The following NAALADL2 variants were observed in gnomAD, a reference collection of about 807,000 sequenced individuals.
The protein encoded by NAALADL2 is N-acetylated alpha-linked acidic dipeptidase like 2, also known as inactive N-acetylated-alpha-linked acidic dipeptidase-like protein 2.
In NAALADL2, 76 loss-of-function variants were observed where a neutral mutation model predicts 87.2. The observed-to-expected ratio is 0.87, with a 90% CI of 0.72 to 1.05. The LOEUF is 1.05. NAALADL2 is among the 50% of genes least tolerant of loss of function. The pLI, the probability that NAALADL2 is intolerant of heterozygous loss-of-function variation, is 0.00. For synonymous variants in NAALADL2, 354 were observed against 331.0 expected, an observed-to-expected ratio of 1.07 and a Z score of -0.75; for missense variants, 1,089 against 945.8, an observed-to-expected ratio of 1.15 and a Z score of -1.99.
At chr3:174,643,862 A>G (rs1218192138) in intron 2 of NAALADL2, among the ~76,000 whole-genome samples, 2 of 152,226 alleles carry the variant, frequency 1.3e-5, no homozygotes, top group Non-Finnish European at 2.9e-5. Flanking sequence ...TCAAAGCAAG[A>G]AAAATACATA....
intron 2 of NAALADL2, among the ~76,000 whole-genome samples, chr3:174,593,830 T>C (rs1163631405): frequency 1.3e-5 from 2 of 152,188 alleles, no homozygotes; most frequent in East Asian, 1.9e-4. Flanking sequence ...ACTAATCATA[T>C]GCAGCATGTT....
intron 13 of NAALADL2, among the ~76,000 whole-genome samples, chr3:175,779,179 T>C (rs1750672302): frequency 6.6e-6 from 1 of 152,206 alleles, no homozygotes. Flanking sequence ...GTGATAAGCA[T>C]GTCTTTCACA....
Position 174,470,222 on chromosome 3 carries a change from G to T in NAALADL2, c.-184+29190G>T, listed in dbSNP as rs75774045. On this transcript the variant is annotated intron_variant, in intron 1 of 3. Coordinates refer to the NAALADL2 transcript ENST00000434257. ...GGTGTGAGATGGTATCTCATTGTGGGTTTGATTTGCATCTCTTTGATGATT... is the reference window on the plus strand; with the variant it reads ...GGTGTGAGATGGTATCTCATTGTGGTTTTGATTTGCATCTCTTTGATGATT... Among the ~76,000 whole-genome samples, 262 of 152,070 alleles carry T rather than the reference G, an allele frequency of 1.7e-3. 1 individual carries two copies. The highest frequency in any genetic ancestry group is 6.2e-3 in the African/African-American group (256 of 41,496).
intron 2 of NAALADL2, among the ~76,000 whole-genome samples, chr3:174,668,553 A>T (rs903497929): frequency 1.1e-4 from 17 of 152,116 alleles, no homozygotes; most frequent in South Asian, 6.2e-4. Flanking sequence ...GTATATCTCC[A>T]AATGCTATCC....
chr3:175,373,733 T>C (rs1766776822), intron 5 of NAALADL2, among the ~76,000 whole-genome samples: 1 of 152,200 alleles, frequency 6.6e-6, no homozygotes, highest in African/African-American at 2.4e-5. Flanking sequence ...TATAAGAACA[T>C]GCAAATCTAT....
chr3:174,804,069 A>G (rs1043727396), intron 3 of NAALADL2, among the ~76,000 whole-genome samples: 1 of 152,044 alleles, frequency 6.6e-6, no homozygotes, highest in Non-Finnish European at 1.5e-5. Context: ...TGGTATGGCC[A>G]TTTTCACAAT....
intron 5 of NAALADL2, among the ~76,000 whole-genome samples, chr3:175,326,659 G>A (rs1250739602): frequency 6.6e-6 from 1 of 152,162 alleles, no homozygotes; most frequent in South Asian, 2.1e-4. Context: ...AGGTCAAGGG[G>A]CTCACATCTG....
intron 2 of NAALADL2, among the ~76,000 whole-genome samples, chr3:175,150,946 G>A (rs1253080070): frequency 6.6e-6 from 1 of 152,214 alleles, no homozygotes; most frequent in African/African-American, 2.4e-5. Context: ...AAGATGATGA[G>A]TAAGGCTGTG....
At chr3:175,649,967 A>G (rs896183514) in intron 11 of NAALADL2, among the ~76,000 whole-genome samples, 1 of 151,768 alleles carries the variant, frequency 6.6e-6, no homozygotes, top group East Asian at 1.9e-4. Context: ...AAAGTTAAAC[A>G]TAAGCTTATC....
chr3:174,776,817 C>T, intron 3 of NAALADL2, among the ~76,000 whole-genome samples: 1 of 152,068 alleles, frequency 6.6e-6, no homozygotes, highest in Non-Finnish European at 1.5e-5. Context: ...CTTCATTGCT[C>T]ACCATGCATG....
intron 2 of NAALADL2, among the ~76,000 whole-genome samples, chr3:174,582,305 A>G (rs901738511): frequency 6.6e-6 from 1 of 152,220 alleles, no homozygotes; most frequent in Non-Finnish European, 1.5e-5. Flanking sequence ...AGCATGAATT[A>G]GACTGGCTGG....
intron 2 of NAALADL2, among the ~76,000 whole-genome samples, chr3:174,614,657 C>T (rs1370735140): frequency 6.6e-6 from 1 of 152,144 alleles, no homozygotes; most frequent in South Asian, 2.1e-4. Flanking sequence ...AAACCAGGTA[C>T]TTTGAGCGCT....
intron 1 of NAALADL2, among the ~76,000 whole-genome samples, chr3:174,469,424 AT>A (rs796147289): frequency 0.015 from 2,119 of 139,192 alleles, 42 homozygotes; most frequent in African/African-American, 0.051. Context: ...CGGCTGGCTA[AT>A]TTTTTTTTTT....
At chr3:175,692,454 G>C (rs1737183447) in intron 11 of NAALADL2, among the ~76,000 whole-genome samples, 1 of 151,986 alleles carries the variant, frequency 6.6e-6, no homozygotes, top group African/African-American at 2.4e-5. Flanking sequence ...TGGCAATTCT[G>C]GAGTTTCCAC....
intron 1 of NAALADL2, among the ~76,000 whole-genome samples, chr3:175,051,841 A>C (rs953849912): frequency 1.3e-5 from 2 of 152,184 alleles, no homozygotes; most frequent in Non-Finnish European, 2.9e-5. Flanking sequence ...TTTGGCTACA[A>C]AGCTTAATTA....
chr3:174,731,400 A>G (rs1241306891), intron 2 of NAALADL2, among the ~76,000 whole-genome samples: 1 of 152,134 alleles, frequency 6.6e-6, no homozygotes, highest in Non-Finnish European at 1.5e-5. Context: ...CATTTACTAA[A>G]AGTGCTATAG....
intron 1 of NAALADL2, among the ~76,000 whole-genome samples, chr3:174,497,882 C>A (rs1413792945): frequency 1.3e-5 from 2 of 151,950 alleles, no homozygotes; most frequent in East Asian, 3.9e-4. Context: ...GAAAGATATA[C>A]CTGATAAGTG....
At chr3:174,549,537 A>G (rs938700665) in intron 1 of NAALADL2, among the ~76,000 whole-genome samples, 6 of 152,336 alleles carry the variant, frequency 3.9e-5, no homozygotes, top group Admixed American at 3.3e-4. Flanking sequence ...AATAATTGTA[A>G]CTTACTATGT....
chr3:175,032,034 T>A (rs1388351065), intron 1 of NAALADL2, among the ~76,000 whole-genome samples: 1 of 152,088 alleles, frequency 6.6e-6, no homozygotes, highest in Non-Finnish European at 1.5e-5. Flanking sequence ...CAATGCATAG[T>A]TTGCAAACAT....
Sources: gnomAD v4.1 joint callset for allele counts (sites outside exome capture counted in the v4.1 genomes callset) on GRCh38, gnomAD v4.1.1 for gene constraint, MANE v1.5 for transcripts, NCBI Gene and HGNC (gene_info 2026-07-23, HGNC 2026-07-21) for gene names.